Variants in TRPT1 observed in about 807,000 individuals in gnomAD.
TRPT1 encodes tRNA phosphotransferase 1.
A neutral mutation model predicts 28.4 loss-of-function variants in TRPT1; 22 were observed. The observed-to-expected ratio is 0.78, with a 90% confidence interval of 0.55 to 1.11. The LOEUF (loss-of-function observed/expected upper bound fraction) is 1.11, where lower values mean the gene tolerates loss of function less well. TRPT1 is among the 50% of genes least tolerant of loss of function. The pLI is 0.00. For synonymous variants in TRPT1, 137 were observed against 132.4 expected (o/e 1.03, Z -0.24); for missense variants, 308 against 317.7 (o/e 0.97, Z 0.23).
Position 64,225,600 on chromosome 11 carries a change from G to T in TRPT1, c.76-20C>A. ...TCGGTCCTGAAAGAACCCAGCGGTG[G>T]CCCCTAGTCTCCATGGTGACCCTGC... is the stretch of plus-strand genomic sequence containing the variant. On this transcript the variant is annotated intron_variant, in intron 2 of 7. Coordinates refer to ENST00000317459, the MANE Select transcript of TRPT1 (RefSeq NM_001033678.4). 1 of 1,600,642 alleles carries T rather than the reference G, an allele frequency of 6.2e-7. No homozygotes were observed. Among genetic ancestry groups the T allele is most frequent in the Non-Finnish European group, 8.5e-7 (1 of 1,173,596 alleles).
chr11:64,224,510 TG>T, intron 5 of TRPT1, 32 bp downstream of exon 5: 1 of 1,564,496 alleles, frequency 6.4e-7, no homozygotes, highest in South Asian at 1.2e-5. Flanking sequence ...ACAGAGTGGG[TG>T]GGAGTAGCTA....
upstream of TRPT1, chr11:64,226,234 C>A: frequency 2.6e-6 from 1 of 378,224 alleles, no homozygotes; most frequent in Non-Finnish European, 4.3e-6. Flanking sequence ...TGAAAAGCCG[C>A]GTGGAAAGGG....
At position 64,224,555 on chromosome 11, in the gene TRPT1, C is replaced by G. The variant is rs757156680; in HGVS notation, c.490G>C (p.Gly164Arg). 6.4e-6 allele frequency: 10 copies of G among 1,567,878 alleles called. No homozygotes were observed. The African/African-American group carries it at 1.1e-4, about 17-fold the overall frequency. ...GGAGGGCACTGACCACTGATGATACCGGGGTCTCCAGGCAGTCCTGGGGCC... is the reference window on the plus strand; with the variant it reads ...GGAGGGCACTGACCACTGATGATACGGGGGTCTCCAGGCAGTCCTGGGGCC... Reference protein sequence around the residue: ...HLAPGLPGDPGIISGMRSHCE... With the variant: ...HLAPGLPGDPRIISGMRSHCE... Residue 164 changes from glycine to arginine, a missense_variant, in exon 5 of 8, where the codon GGT becomes CGT. Transcript: ENST00000317459.
At position 64,224,183 on chromosome 11, in the gene TRPT1, T is replaced by C. The variant is rs373285281; in HGVS notation, c.587A>G (p.Asn196Ser). The change falls in exon 7 of 8, where the codon AAT (asparagine) becomes AGT (serine). Residue 196 changes from asparagine (N) to serine (S), a missense_variant. Coordinates refer to ENST00000317459, the MANE Select transcript of TRPT1 (RefSeq NM_001033678.4). Reference sequence around the variant, plus strand: ...ATTCCCTGGAGTCAGAATCACCCCATTGGCAGAGCGGAAGAAGGGTATTCC... The same window carrying C: ...ATTCCCTGGAGTCAGAATCACCCCACTGGCAGAGCGGAAGAAGGGTATTCC... ...ADGIPFFRSA[N>S]GVILTPGNTD... 3.9e-5 allele frequency: 63 copies of C among 1,609,388 alleles called. No individual in the cohort carries two copies. Among genetic ancestry groups the C allele is most frequent in the African/African-American group, 1.5e-4 (11 of 74,974 alleles).
In TRPT1 at chr11:64,224,150, C is replaced by A. The variant is rs766564317; in HGVS notation, c.620G>T (p.Gly207Val). The change falls in exon 7 of 8, where the codon GGC (glycine) becomes GTC (valine). Residue 207 changes from glycine (G) to valine (V), a missense_variant. By Grantham distance (109) the Gly-to-Val change is moderately radical (BLOSUM62 -3). Transcript: ENST00000317459. Reference protein sequence around the residue: ...GVILTPGNTDGFLLPKYFKEA... With the variant: ...GVILTPGNTDVFLLPKYFKEA... The stretch of plus-strand genomic sequence containing the variant: ...CTTGAAGTACTTGGGAAGGAGGAAG[C>A]CATCAGTATTCCCTGGAGTCAGAAT... 4 of 1,606,740 alleles carry A rather than the reference C, an allele frequency of 2.5e-6. No individual in the cohort carries two copies. In the Admixed American group the frequency reaches 6.7e-5, roughly 27 times the overall value.
intron 5 of TRPT1, 40 bp downstream of exon 5, chr11:64,224,501 CAG>C: frequency 6.4e-7 from 1 of 1,568,946 alleles, no homozygotes; most frequent in Non-Finnish European, 8.7e-7. Context: ...CCTGGGAGGA[CAG>C]AGTGGGTGGG....
chr11:64,225,606 A>C, intron 2 of TRPT1, 26 bp from the exon 3 acceptor site: 1 of 1,595,702 alleles, frequency 6.3e-7, no homozygotes, highest in South Asian at 1.1e-5. Flanking sequence ...GGTGGCCCCT[A>C]GTCTCCATGG....
Position 64,226,131 on chromosome 11 carries a change from G to T in TRPT1, c.-91C>A. ...GCTGGTGCGCCCCGCAGGGTGGTCC[G>T]GGAGGCAGGGCCGACGTGCCGACGG... On this transcript the variant is annotated 5_prime_UTR_variant, in exon 1 of 8. Transcript: ENST00000317459. 2.1e-6 allele frequency: 1 copy of T among 467,604 alleles called. No individual in the cohort carries two copies. The highest frequency in any genetic ancestry group is 3.8e-6 in the Non-Finnish European group (1 of 265,496). The allele number at this position is 467,604 out of a possible 1,614,324, so 29.0% of individuals were successfully genotyped here.
rs781159251 is a variant in TRPT1 at position 64,224,569 on chromosome 11, A to C, written c.476T>G (p.Leu159Arg). 6.4e-7 allele frequency: 1 copy of C among 1,573,124 alleles called. No individual in the cohort carries two copies. The highest frequency in any genetic ancestry group is 1.8e-5 in the Admixed American group (1 of 55,890). ...ACTGATGATACCGGGGTCTCCAGGC[A>C]GTCCTGGGGCCAGGTGAATGTGCGT... ...GRTHIHLAPGLPGDPGIISGM... is the reference protein window; with the variant it reads ...GRTHIHLAPGRPGDPGIISGM... The change falls in exon 5 of 8, where the codon CTG (leucine) becomes CGG (arginine). Residue 159 changes from leucine (L) to arginine (R), a missense_variant. Physicochemically the swap from Leu to Arg is moderately radical, Grantham distance 102. Transcript: ENST00000317459.
At chr11:64,224,243 C>G in intron 6 of TRPT1, 33 bp from the exon 7 acceptor site, 1 of 1,613,730 alleles carries the variant, frequency 6.2e-7, no homozygotes, top group Non-Finnish European at 8.5e-7. Flanking sequence ...GACTCATGCC[C>G]TCCCCGAAGG....
chr11:64,225,888 A>G lies in TRPT1; in HGVS notation c.-9-19T>C, dbSNP rs1565307397. 2.8e-6 allele frequency: 4 copies of G among 1,447,644 alleles called. No homozygotes were observed. The highest frequency in any genetic ancestry group is 3.8e-6 in the Non-Finnish European group (4 of 1,053,162). 89.7% of individuals were successfully genotyped at this position (1,447,644 alleles called of 1,614,324 possible). A position where few individuals can be genotyped will look rare whatever the true frequency, so the allele number is the denominator to read the frequency against. On this transcript the variant is annotated intron_variant, in intron 1 of 7. Coordinates refer to ENST00000317459, the MANE Select transcript of TRPT1 (RefSeq NM_001033678.4). ...TTAAGACCTGTGGGGGGCAGTGACG[A>G]GGGGGGACTGCTTTAAGGCCCCTTC...
In TRPT1 at chr11:64,225,380, G is replaced by A. The variant is rs942024586; in HGVS notation, c.157+119C>T. The stretch of plus-strand genomic sequence containing the variant: ...GGCCTTGCTCTCCTCTGTGCATGGG[G>A]AGGAAGTGCACTCTGTGCCTTCCTC... On this transcript the variant is annotated intron_variant, in intron 3 of 7. Coordinates refer to ENST00000317459, the MANE Select transcript of TRPT1 (RefSeq NM_001033678.4). The A allele has an allele frequency of 1.3e-4, 104 of 785,652 alleles. No individual in the cohort carries two copies. The South Asian group carries it at 1.5e-3, about 11-fold the overall frequency. 48.7% of individuals were successfully genotyped at this position (785,652 alleles called of 1,614,324 possible).
In TRPT1 at chr11:64,223,931, T is replaced by C; in HGVS notation, c.707A>G (p.Glu236Gly). The change falls in exon 8 of 8, where the codon GAG becomes GGG. Residue 236 changes from glutamate (E) to glycine (G), a missense_variant. Coordinates refer to ENST00000317459, the MANE Select transcript of TRPT1 (RefSeq NM_001033678.4). ...GCTGTGCTTGGGGCTACTCTGACAC[T>C]CTGTCTCTTCATCACCAGCCAAGGA... Reference protein sequence around the residue: ...PLSLAGDEETECQSSPKHSSR... With the variant: ...PLSLAGDEETGCQSSPKHSSR... The C allele has an allele frequency of 6.2e-7, 1 of 1,614,046 alleles. No individual in the cohort carries two copies. Among genetic ancestry groups the C allele is most frequent in the Non-Finnish European group, 8.5e-7 (1 of 1,179,912 alleles).
chr11:64,225,148 G>A, intron 3 of TRPT1, 178 bp from the exon 4 acceptor site: 1 of 719,184 alleles, frequency 1.4e-6, no homozygotes. Context: ...CATAAAAAGA[G>A]GATCTGCCTC....
Position 64,223,899 on chromosome 11 carries a change from CT to C in TRPT1, c.738del (p.Glu247LysfsTer26). 1 of 1,611,442 alleles carries C rather than the reference CT, an allele frequency of 6.2e-7. No individual in the cohort carries two copies. The highest frequency in any genetic ancestry group is 1.1e-5 in the South Asian group (1 of 90,584). ...TTTTATTGTTGGATCCTCCTCCTTT[CT>C]CTGGAGCTGTGCTTGGGGCTACTCT... ...ECQSSPKHSS[R>X]ERRRIQQ On this transcript the variant is annotated frameshift_variant, in exon 8 of 8. Coordinates refer to ENST00000317459, the MANE Select transcript of TRPT1 (RefSeq NM_001033678.4). LOFTEE classifies it high-confidence loss of function.
chr11:64,224,831 G>A lies in TRPT1; in HGVS notation c.297C>T (p.Leu99=), dbSNP rs1295626967. The A allele has an allele frequency of 6.2e-7, 1 of 1,613,680 alleles. No homozygotes were observed. Among genetic ancestry groups the A allele is most frequent in the Non-Finnish European group, 8.5e-7 (1 of 1,180,006 alleles). Residue 99 remains leucine (L), a synonymous_variant, in exon 4 of 8, where the codon CTC becomes CTT. Coordinates refer to ENST00000317459, the MANE Select transcript of TRPT1 (RefSeq NM_001033678.4). ...GGGAATGGCCCTGGTTGGCCCGGAT[G>A]AGAAGGCCAGTGCTGGGATCCCCCA... ...LQLGDPSTGL[L]IRANQGHSLQ...
rs764171482 is a variant in TRPT1 at position 64,225,503 on chromosome 11, TC to T, written c.152del (p.Gly51GlufsTer65). ...GCCTCCAAGGCCCCTACTTACCAGC[TC>T]CCATGGGAAGCCCCAGCTTCAAGGC... ...HGALKLGLPMGADGFVPLGTL... is the reference protein window; with the variant it reads ...HGALKLGLPMXADGFVPLGTL... On this transcript the variant is annotated frameshift_variant, in exon 3 of 8. Transcript: ENST00000317459. LOFTEE classifies it high-confidence loss of function. 4 of 1,612,450 alleles carry T rather than the reference TC, an allele frequency of 2.5e-6. No individual in the cohort carries two copies. The Admixed American group carries it at 6.7e-5, about 27-fold the overall frequency.
In TRPT1 at chr11:64,224,703, C is replaced by G; in HGVS notation, c.342G>C (p.Glu114Asp). ...QGHSLQVPKL[E>D]LMPLETPQAL... ...CCTGCGGTGTCTCCAGGGGCATCAG[C>G]TCCAACTTAGGTACCTGGTTGAACG... Residue 114 changes from glutamate (E) to aspartate (D), a missense_variant, in exon 5 of 8, where the codon GAG (glutamate) becomes GAC (aspartate). Physicochemically the swap from Glu to Asp is conservative, Grantham distance 45 (BLOSUM62 2). Coordinates refer to ENST00000317459, the MANE Select transcript of TRPT1 (RefSeq NM_001033678.4). 6.3e-7 allele frequency: 1 copy of G among 1,596,756 alleles called. No individual in the cohort carries two copies.
chr11:64,224,867 G>A lies in TRPT1; in HGVS notation c.261C>T (p.Phe87=), dbSNP rs754969203. The A allele has an allele frequency of 2.3e-5, 37 of 1,612,436 alleles. No individual in the cohort carries two copies. The highest frequency in any genetic ancestry group is 3.1e-5 in the Non-Finnish European group (37 of 1,179,672). ...TGCTGGGATCCCCCAGCTGCAGGGC[G>A]AACCGCTGCTTCCTATTGGTGTCCA... is the stretch of plus-strand genomic sequence containing the variant. ...RVVDTNRKQR[F]ALQLGDPSTG... The change falls in exon 4 of 8, where the codon TTC becomes TTT. Residue 87 remains phenylalanine, a synonymous_variant. Transcript: ENST00000317459.
Sources: gnomAD v4.1 joint callset for allele counts on GRCh38, gnomAD v4.1.1 for gene constraint, MANE v1.5 for transcripts, NCBI Gene and HGNC (gene_info 2026-07-23, HGNC 2026-07-21) for gene names.